Variants in NNAT observed in about 807,000 individuals in gnomAD.
The protein encoded by NNAT is neuronatin.
Under a neutral mutation model 12.7 loss-of-function variants are expected in NNAT, and 8 were observed. The ratio of observed to expected loss-of-function variants is 0.63; its 90% CI spans 0.37 to 1.14. The LOEUF (loss-of-function observed/expected upper bound fraction) is 1.14. Among genes scored for constraint, NNAT ranks in the 50% most tolerant of loss-of-function variants. The pLI is 0.01. For missense variants in NNAT, 94 were observed against 108.3 expected, an observed-to-expected ratio of 0.87 and a Z score of 0.59; for synonymous variants, 52 against 48.5, an observed-to-expected ratio of 1.07 and a Z score of -0.30.
intron 2 of NNAT, 91 bp downstream of exon 2, chr20:37,522,529 C>T (rs1443204344): frequency 4.5e-6 from 6 of 1,347,200 alleles, no homozygotes; most frequent in Non-Finnish European, 6.1e-6. Context: ...CGTGGACAAG[C>T]TGCGCCCGCG....
rs567277107 is a variant in NNAT, at chr20:37,521,502, T to C, written c.72+99T>C. The stretch of plus-strand genomic sequence containing the variant: ...ATTGCCGCTTCCCGGACCCGTCCTA[T>C]TCCGATTGCCGCGATCCTTGCCTGC... On this transcript the variant is annotated intron_variant, in intron 1 of 2. Transcript: ENST00000649451. The surrounding 1 kb of genome is among the most constrained non-coding windows in gnomAD (Gnocchi z 4.5). 8.1e-7 allele frequency: 1 copy of C among 1,228,036 alleles called. No individual in the cohort carries two copies. The highest frequency in any genetic ancestry group is 2.3e-5 in the East Asian group (1 of 42,570). The allele number at this position is 1,228,036 out of a possible 1,614,324, so 76.1% of individuals were successfully genotyped here.
At chr20:37,522,598 G>GGGGGGGGGGGGGGGGGGGGGCCCC in intron 2 of NNAT, 69 bp from the exon 3 acceptor site, 6 of 864,224 alleles carry the variant, frequency 6.9e-6, no homozygotes, top group Admixed American at 2.4e-5. Context: ...GCGGGGGTGG[G>GGGGGGGGGGGGGGGGGGGGGCCCC]CACGGCAGCA....
Position 37,521,442 on chromosome 20 carries a change from A to C in NNAT, c.72+39A>C, listed in dbSNP as rs780845226. 1.9e-6 allele frequency: 3 copies of C among 1,593,276 alleles called. No individual in the cohort carries two copies. Among genetic ancestry groups the C allele is most frequent in the East Asian group, 2.2e-5 (1 of 44,742 alleles). On this transcript the variant is annotated intron_variant, in intron 1 of 2. Coordinates refer to ENST00000649451, the MANE Select transcript of NNAT (RefSeq NM_005386.4). This position sits in a 1 kb window ranked among gnomAD's most constrained non-coding sequence, Gnocchi z 4.5. ...GGTTTCGGGTGGGAGAGGGTTCCCAACTCGCGCCCCTAGAACCCGCAAGAC... is the reference window on the plus strand; with the variant it reads ...GGTTTCGGGTGGGAGAGGGTTCCCACCTCGCGCCCCTAGAACCCGCAAGAC...
rs573205075 is a variant in NNAT at position 37,521,265 on chromosome 20, G to A, written c.-67G>A. ...CGGCTGCGGCAGTGCGCCCAACAGC[G>A]GACTCCGAGACCAGCGGATCTCGGC... On this transcript the variant is annotated 5_prime_UTR_variant, in exon 1 of 3. Transcript: ENST00000649451. The surrounding 1 kb of genome is among the most constrained non-coding windows in gnomAD (Gnocchi z 4.5). 3.2e-5 allele frequency: 50 copies of A among 1,543,900 alleles called. No individual in the cohort carries two copies. The African/African-American group carries it at 3.8e-4, about 12-fold the overall frequency.
Position 37,523,016 on chromosome 20 carries a change from G to A in NNAT, c.*257G>A, listed in dbSNP as rs1033791433. The stretch of plus-strand genomic sequence containing the variant: ...GTCGAGAGAGGAGGGGGGATAGGGG[G>A]AGCAGACCCCTGAGATCTGGGCATA... On this transcript the variant is annotated 3_prime_UTR_variant, in exon 3 of 3. Coordinates refer to ENST00000649451, the MANE Select transcript of NNAT (RefSeq NM_005386.4). The A allele has an allele frequency of 4.4e-6, 2 of 451,728 alleles. No individual in the cohort carries two copies. Among genetic ancestry groups the A allele is most frequent in the Non-Finnish European group, 7.9e-6 (2 of 253,798 alleles). The allele number at this position is 451,728 out of a possible 1,614,324, so 28.0% of individuals were successfully genotyped here. A position where few individuals can be genotyped will look rare whatever the true frequency, so the allele number is the denominator to read the frequency against.
rs976437278 is a variant in NNAT, at chr20:37,523,091, C to G, written c.*332C>G. On this transcript the variant is annotated 3_prime_UTR_variant, in exon 3 of 3. Transcript: ENST00000649451. ...AGTCGGGACAGCACCATCCCAGCCCCGAAGCCAGGGCCATGCCAGCAGGCC... is the reference window on the plus strand; with the variant it reads ...AGTCGGGACAGCACCATCCCAGCCCGGAAGCCAGGGCCATGCCAGCAGGCC... 3.0e-5 allele frequency: 8 copies of G among 266,302 alleles called. No homozygotes were observed. The highest frequency in any genetic ancestry group is 1.8e-4 in the African/African-American group (8 of 45,280). 16.5% of individuals were successfully genotyped at this position (266,302 alleles called of 1,614,324 possible).
chr20:37,523,585 T>C lies in NNAT; in HGVS notation c.*826T>C. The C allele has an allele frequency of 6.5e-6, 1 of 152,870 alleles. No homozygotes were observed. The highest frequency in any genetic ancestry group is 6.5e-5 in the Admixed American group (1 of 15,298). 9.5% of individuals were successfully genotyped at this position (152,870 alleles called of 1,614,324 possible). A position where few individuals can be genotyped will look rare whatever the true frequency, so the allele number is the denominator to read the frequency against. On this transcript the variant is annotated 3_prime_UTR_variant, in exon 3 of 3. Coordinates refer to ENST00000649451, the MANE Select transcript of NNAT (RefSeq NM_005386.4). ...TAGTTGTGTCTCCCCAGCTAGATTG[T>C]AAGCTCCTGGAGGACAGGGACCACC...
chr20:37,522,598 G>GGGGGGGGGGGGGGGGGGGGGGGGGGCCCC, intron 2 of NNAT, 69 bp from the exon 3 acceptor site: 2 of 864,450 alleles, frequency 2.3e-6, no homozygotes, highest in Non-Finnish European at 3.4e-6. Context: ...GCGGGGGTGG[G>GGGGGGGGGGGGGGGGGGGGGGGGGGCCCC]CACGGCAGCA....
At chr20:37,522,091 G>A (rs2147189757) in intron 1 of NNAT, among the ~76,000 whole-genome samples, 1 of 146,832 alleles carries the variant, frequency 6.8e-6, no homozygotes, top group South Asian at 2.1e-4. Flanking sequence ...GGGCAAAAAC[G>A]CTTTAAAGAA....
intron 1 of NNAT, 65 bp from the exon 2 acceptor site, chr20:37,522,293 C>T (rs2071612701): frequency 7.3e-7 from 1 of 1,373,776 alleles, no homozygotes; most frequent in Non-Finnish European, 1.0e-6. Context: ...CTAAAAGCTC[C>T]CTTTGCAGGA....
At chr20:37,522,486 A>C in intron 2 of NNAT, 48 bp downstream of exon 2, 1 of 1,566,408 alleles carries the variant, frequency 6.4e-7, no homozygotes, top group Non-Finnish European at 8.8e-7. Flanking sequence ...TGCAGCTCTC[A>C]GCACAGTTGG....
intron 1 of NNAT, 35 bp from the exon 2 acceptor site, chr20:37,522,323 A>G (rs2071613678): frequency 6.3e-7 from 1 of 1,575,762 alleles, no homozygotes; most frequent in Non-Finnish European, 8.7e-7. Context: ...TGCTAAAGGA[A>G]TCCTTTGCCA....
Position 37,521,874 on chromosome 20 carries a change from G to A in NNAT, c.72+471G>A, listed in dbSNP as rs1399043674. Among the ~76,000 whole-genome samples the A allele has an allele frequency of 6.7e-6, 1 of 149,100 alleles. No homozygotes were observed. Among genetic ancestry groups the A allele is most frequent in the African/African-American group, 2.5e-5 (1 of 40,490 alleles). ...GGAACAAAAAATAAGTTAGAAAAAG[G>A]CACTTCTCAGAAAAAATAAAAATTA... On this transcript the variant is annotated intron_variant, in intron 1 of 2. Transcript: ENST00000649451. The surrounding 1 kb of genome is among the most constrained non-coding windows in gnomAD (Gnocchi z 4.5).
Position 37,522,730 on chromosome 20 carries a change from G to C in NNAT, c.217G>C (p.Gly73Arg). 6.2e-7 allele frequency: 1 copy of C among 1,610,154 alleles called. No homozygotes were observed. Reference protein sequence around the residue: ...TVSRTGRQVLGERRQRAPN With the variant: ...TVSRTGRQVLRERRQRAPN ...GTCGCGGACCGGGCGGCAGGTGTTG[G>C]GGGAGCGCAGGCAGCGAGCCCCCAA... The change falls in exon 3 of 3, where the codon GGG (glycine) becomes CGG (arginine). Residue 73 changes from glycine to arginine, a missense_variant. By Grantham distance (125) the Gly-to-Arg change is moderately radical. Transcript: ENST00000649451.
At chr20:37,522,040 GA>G (rs1008649447) in intron 1 of NNAT, among the ~76,000 whole-genome samples, 9 of 150,684 alleles carry the variant, frequency 6.0e-5, no homozygotes, top group East Asian at 1.9e-4. Context: ...ACGCACTGCA[GA>G]AAAAAATTAG....
Position 37,521,410 on chromosome 20 carries a change from C to G in NNAT, c.72+7C>G, listed in dbSNP as rs370754902. On this transcript the variant is annotated splice_region_variant and intron_variant, in intron 1 of 2. Coordinates refer to ENST00000649451, the MANE Select transcript of NNAT (RefSeq NM_005386.4). The surrounding 1 kb of genome is among the most constrained non-coding windows in gnomAD (Gnocchi z 4.5). Reference sequence around the variant, plus strand: ...CTTCCGCGTGCTGCTGCAGGTAAGTCTGACGGGGTTTCGGGTGGGAGAGGG... The same window carrying G: ...CTTCCGCGTGCTGCTGCAGGTAAGTGTGACGGGGTTTCGGGTGGGAGAGGG... The G allele has an allele frequency of 1.2e-4, 201 of 1,613,954 alleles. No homozygotes were observed. Among genetic ancestry groups the G allele is most frequent in the Non-Finnish European group, 1.6e-4 (194 of 1,179,924 alleles).
At position 37,521,523 on chromosome 20, in the gene NNAT, C is replaced by T; in HGVS notation, c.72+120C>T. ...CCTATTCCGATTGCCGCGATCCTTGCCTGCCCAAGTGCCGCTGCCGGCACC... is the reference window on the plus strand; with the variant it reads ...CCTATTCCGATTGCCGCGATCCTTGTCTGCCCAAGTGCCGCTGCCGGCACC... On this transcript the variant is annotated intron_variant, in intron 1 of 2. Transcript: ENST00000649451. This position sits in a 1 kb window ranked among gnomAD's most constrained non-coding sequence, Gnocchi z 4.5. 9.6e-7 allele frequency: 1 copy of T among 1,042,890 alleles called. No individual in the cohort carries two copies. Among genetic ancestry groups the T allele is most frequent in the Non-Finnish European group, 1.5e-6 (1 of 684,198 alleles). 64.6% of individuals were successfully genotyped at this position (1,042,890 alleles called of 1,614,324 possible).
At position 37,522,390 on chromosome 20, in the gene NNAT, A is replaced by G; in HGVS notation, c.105A>G (p.Gly35=). The G allele has an allele frequency of 6.2e-7, 1 of 1,614,046 alleles. No individual in the cohort carries two copies. Among genetic ancestry groups the G allele is most frequent in the Non-Finnish European group, 8.5e-7 (1 of 1,179,968 alleles). ...VFLECCIYWV[G]FAFRNPPGTQ... ...TGGAATGCTGCATTTACTGGGTAGG[A>G]TTCGCTTTTCGAAATCCTCCAGGGA... The change falls in exon 2 of 3, where the codon GGA becomes GGG. Residue 35 remains glycine (G), a synonymous_variant. Transcript: ENST00000649451.
In NNAT at chr20:37,521,905, CA is replaced by C. The variant is rs113961648; in HGVS notation, c.73-441del. On this transcript the variant is annotated intron_variant, in intron 1 of 2. Transcript: ENST00000649451. This position sits in a 1 kb window ranked among gnomAD's most constrained non-coding sequence, Gnocchi z 4.5. Reference sequence around the variant, plus strand: ...CTCAGAAAAAATAAAAATTACTTCGCAAAAAAAAAAAACCCTACAACGAATT... The same window carrying C: ...CTCAGAAAAAATAAAAATTACTTCGCAAAAAAAAAAACCCTACAACGAATT... Among the ~76,000 whole-genome samples the C allele has an allele frequency of 1.8e-3, 199 of 110,288 alleles. No individual in the cohort carries two copies. The highest frequency in any genetic ancestry group is 0.01 in the South Asian group (34 of 3,364). 72.4% of individuals were successfully genotyped at this position (110,288 alleles called of 152,430 possible). A position where few individuals can be genotyped will look rare whatever the true frequency, so the allele number is the denominator to read the frequency against.
Sources: gnomAD v4.1 joint callset for allele counts (sites outside exome capture counted in the v4.1 genomes callset) on GRCh38, gnomAD v4.1.1 for gene constraint, Gnocchi (gnomAD v3.1) non-coding constraint, MANE v1.5 for transcripts, NCBI Gene and HGNC (gene_info 2026-07-23, HGNC 2026-07-21) for gene names.